Variants in NRG1 observed in about 807,000 individuals in gnomAD.
NRG1 encodes the protein pro-neuregulin-1, membrane-bound isoform.
In NRG1, 18 loss-of-function variants were observed where a neutral mutation model predicts 63.8. The observed-to-expected ratio is 0.28, with a 90% confidence interval of 0.19 to 0.42. The LOEUF (loss-of-function observed/expected upper bound fraction) is 0.42. Among genes scored for constraint, NRG1 ranks in the 10% least tolerant of loss-of-function variants. NRG1 has a pLI of 1.00. For synonymous variants in NRG1, 302 were observed against 301.3 expected (o/e 1.00, Z -0.02); for missense variants, 762 against 814.7 (o/e 0.94, Z 0.79).
intron 1 of NRG1, among the ~76,000 whole-genome samples, chr8:31,895,383 C>A (rs1563537208): frequency 6.6e-6 from 1 of 152,240 alleles, no homozygotes; most frequent in Non-Finnish European, 1.5e-5. Context: ...TGGCTTTCAG[C>A]CAGGAGAAGG....
At chr8:32,343,575 T>C (rs573059979) in intron 1 of NRG1, among the ~76,000 whole-genome samples, 110 of 152,332 alleles carry the variant, frequency 7.2e-4, no homozygotes, top group Non-Finnish European at 1.2e-3. Context: ...ATAAGCAGAT[T>C]TGCAGAGCCA....
chr8:32,018,611 ATCT>A, intron 1 of NRG1, among the ~76,000 whole-genome samples: 1 of 152,172 alleles, frequency 6.6e-6, no homozygotes, highest in East Asian at 1.9e-4. Context: ...GCAGTACTTT[ATCT>A]TCTTTTATAT....
At chr8:31,812,754 AT>A (rs1047349544) in intron 1 of NRG1, among the ~76,000 whole-genome samples, 61 of 149,558 alleles carry the variant, frequency 4.1e-4, no homozygotes, top group African/African-American at 1.4e-3. Context: ...GCTTTGGGTT[AT>A]CCATTTAAGC....
chr8:32,098,592 G>A (rs1364542015), intron 1 of NRG1: 2 of 152,178 alleles, frequency 1.3e-5, no homozygotes, highest in Admixed American at 6.5e-5. Flanking sequence ...TTAATTTAGT[G>A]CCAGGGACCA....
chr8:32,503,901 G>A (rs900677375), intron 1 of NRG1, among the ~76,000 whole-genome samples: 5 of 152,132 alleles, frequency 3.3e-5, no homozygotes, highest in African/African-American at 1.2e-4. Context: ...GCATGCTTCT[G>A]GGGTCTTGCA....
chr8:31,894,352 A>G (rs776372), intron 1 of NRG1, among the ~76,000 whole-genome samples: 78,806 of 151,294 alleles, frequency 0.52, 21,167 homozygotes, highest in East Asian at 0.75. Context: ...TCAAATACTC[A>G]GATGATATAA....
chr8:32,600,319 G>C (rs1026684428), intron 2 of NRG1, among the ~76,000 whole-genome samples: 8 of 119,278 alleles, frequency 6.7e-5, no homozygotes, highest in Admixed American at 6.4e-4. Flanking sequence ...ATCTGAAGCA[G>C]TGTTGGACAC....
At chr8:32,607,226 G>A (rs562800688) in intron 3 of NRG1, among the ~76,000 whole-genome samples, 31 of 152,030 alleles carry the variant, frequency 2.0e-4, no homozygotes, top group Non-Finnish European at 4.0e-4. Context: ...TTTACCCCAC[G>A]TAGAATTCTA....
chr8:32,096,429 A>G (rs1437328784), intron 1 of NRG1, among the ~76,000 whole-genome samples: 1 of 152,234 alleles, frequency 6.6e-6, no homozygotes, highest in Non-Finnish European at 1.5e-5. Flanking sequence ...TTGTGTTGGG[A>G]ACATTTCAGA....
chr8:32,638,289 A>G (rs1409282714), intron 5 of NRG1, among the ~76,000 whole-genome samples: 1 of 152,232 alleles, frequency 6.6e-6, no homozygotes, highest in Non-Finnish European at 1.5e-5. Flanking sequence ...CGTTGTGCAC[A>G]TGTACCCTAG....
In NRG1 at chr8:32,695,209, C is replaced by T. The variant is rs552411491; in HGVS notation, c.503-32740C>T. Among the ~76,000 whole-genome samples the T allele has an allele frequency of 2.2e-4, 34 of 152,056 alleles. No homozygotes were observed. In the East Asian group the frequency reaches 5.6e-3, roughly 25 times the overall value. ...AAAAACAATTAGTTGGGGATGGTGG[C>T]GCATATCTGTAATCCCAGCTACTGA... On this transcript the variant is annotated intron_variant, in intron 5 of 11. Transcript: ENST00000356819.
At chr8:32,027,455 T>TGCTTC (rs1817593849) in intron 1 of NRG1, among the ~76,000 whole-genome samples, 4 of 117,668 alleles carry the variant, frequency 3.4e-5, no homozygotes, top group Non-Finnish European at 5.5e-5. Flanking sequence ...CTTCCTTCCT[T>TGCTTC]CCTTCCTTCC....
intron 1 of NRG1, among the ~76,000 whole-genome samples, chr8:32,478,123 C>T (rs1824762934): frequency 6.6e-6 from 1 of 152,240 alleles, no homozygotes; most frequent in East Asian, 1.9e-4. Context: ...AGAAATAAAA[C>T]AACAATACCA....
chr8:32,117,447 A>G (rs1832884731), intron 1 of NRG1, among the ~76,000 whole-genome samples: 1 of 152,102 alleles, frequency 6.6e-6, no homozygotes, highest in African/African-American at 2.4e-5. Context: ...GTTTGGATAG[A>G]AAAATATATC....
chr8:32,368,823 A>G (rs533424353), intron 1 of NRG1, among the ~76,000 whole-genome samples: 1 of 152,298 alleles, frequency 6.6e-6, no homozygotes, highest in Admixed American at 6.5e-5. Flanking sequence ...AATGATGTAA[A>G]CTTATTTTAG....
chr8:32,647,761 G>A, intron 5 of NRG1: 1 of 1,597,800 alleles, frequency 6.3e-7, no homozygotes, highest in South Asian at 1.1e-5. Context: ...GCCGCCGAGA[G>A]GTCCTCCAGC....
chr8:32,667,522 C>A (rs2919391), intron 5 of NRG1, among the ~76,000 whole-genome samples: 31,217 of 151,952 alleles, frequency 0.21, 4,427 homozygotes, highest in East Asian at 0.48. Context: ...TTTCTGAAAA[C>A]CAAGAATTCC....
chr8:32,227,944 G>A (rs1322748281), intron 1 of NRG1, among the ~76,000 whole-genome samples: 2 of 152,138 alleles, frequency 1.3e-5, no homozygotes, highest in Non-Finnish European at 2.9e-5. Context: ...GGGAATACAG[G>A]TATACAAGTT....
chr8:32,108,834 T>A (rs1400705466), intron 1 of NRG1, among the ~76,000 whole-genome samples: 11 of 151,712 alleles, frequency 7.3e-5, no homozygotes, highest in Admixed American at 7.2e-4. Flanking sequence ...CAGAAAGGAG[T>A]TCAACCCTGA....
Sources: allele counts gnomAD v4.1 joint callset (sites outside exome capture counted in the v4.1 genomes callset), GRCh38; gene constraint gnomAD v4.1.1; transcripts MANE v1.5; gene names NCBI Gene and HGNC (gene_info 2026-07-23, HGNC 2026-07-21).